IFI30: variants seen among roughly 807,000 people sequenced by gnomAD.
IFI30 encodes IFI30 lysosomal thiol reductase.
In IFI30, 26 loss-of-function variants were observed where a neutral mutation model predicts 30.1. The ratio of observed to expected loss-of-function variants is 0.87; its 90% CI spans 0.63 to 1.20. The LOEUF is 1.20. Among genes scored for constraint, IFI30 ranks in the 50% most tolerant of loss-of-function variants. The pLI is 0.00. For missense variants in IFI30, 296 were observed against 312.5 expected, an observed-to-expected ratio of 0.95 and a Z score of 0.40; for synonymous variants, 149 against 134.5, an observed-to-expected ratio of 1.11 and a Z score of -0.75.
chr19:18,177,784 G>A lies in IFI30; in HGVS notation c.690+20G>A, dbSNP rs1453362761. ...TACCAGGTAAGCTGGGAGGGGAGCA[G>A]TGGGATTCAGGTGGTGGGGGTAGGG... On this transcript the variant is annotated intron_variant, in intron 6 of 6. Coordinates refer to ENST00000407280, the MANE Select transcript of IFI30 (RefSeq NM_006332.5). 1 of 1,613,104 alleles carries A rather than the reference G, an allele frequency of 6.2e-7. No individual in the cohort carries two copies. The highest frequency in any genetic ancestry group is 8.5e-7 in the Non-Finnish European group (1 of 1,179,554).
In IFI30 at chr19:18,178,021, A is replaced by G; in HGVS notation, c.*110A>G. On this transcript the variant is annotated 3_prime_UTR_variant, in exon 7 of 7. Coordinates refer to ENST00000407280, the MANE Select transcript of IFI30 (RefSeq NM_006332.5). ...TGCTACTTACCAACTGGAAAATTTT[A>G]TGCATCCCATGAAGCCCAGATACAC... is the stretch of plus-strand genomic sequence containing the variant. 4 of 1,055,642 alleles carry G rather than the reference A, an allele frequency of 3.8e-6. No homozygotes were observed. The highest frequency in any genetic ancestry group is 2.6e-5 in the East Asian group (1 of 38,564). The allele number at this position is 1,055,642 out of a possible 1,614,324, so 65.4% of individuals were successfully genotyped here.
In IFI30 at chr19:18,177,759, T is replaced by C. The variant is rs766939783; in HGVS notation, c.685T>C (p.Tyr229His). The change falls in exon 6 of 7, where the codon TAC becomes CAC. Residue 229 changes from tyrosine (Y) to histidine (H), a missense_variant. Physicochemically the swap from Tyr to His is moderately conservative, Grantham distance 83. Transcript: ENST00000407280. ...GCTCCTTACCCTTGTCTGCCAGTTG[T>C]ACCAGGTAAGCTGGGAGGGGAGCAG... ...TQLLTLVCQL[Y>H]QGKKPDVCPS... The C allele has an allele frequency of 6.2e-7, 1 of 1,613,752 alleles. No homozygotes were observed. The highest frequency in any genetic ancestry group is 8.5e-7 in the Non-Finnish European group (1 of 1,179,800).
chr19:18,174,537 C>G (rs1357163795), intron 1 of IFI30: 1 of 160,222 alleles, frequency 6.2e-6, no homozygotes, highest in Non-Finnish European at 1.4e-5. Context: ...GGATCCCTTG[C>G]TCAGCTCAGA....
chr19:18,174,114 C>A, intron 1 of IFI30, 141 bp downstream of exon 1: 1 of 796,530 alleles, frequency 1.3e-6, no homozygotes, highest in Non-Finnish European at 1.9e-6. Flanking sequence ...CTGGAAAAAC[C>A]CTGTTCAGTT....
At chr19:18,176,233 C>A (rs908354414) in intron 4 of IFI30, among the ~76,000 whole-genome samples, 24 of 142,930 alleles carry the variant, frequency 1.7e-4, no homozygotes, top group Non-Finnish European at 3.0e-4. Flanking sequence ...TGGCTGACTG[C>A]AACCACTGTC....
rs71336666 is a variant in IFI30 at position 18,176,141 on chromosome 19, C to CTTTT, written c.483+472_483+475dup. The stretch of plus-strand genomic sequence containing the variant: ...CAGGCGTGAGCCACCGCACCCAGCC[C>CTTTT]TTTTTTTTTTTTTTTTTTTTTTTTT... On this transcript the variant is annotated intron_variant, in intron 4 of 6. Transcript: ENST00000407280. Among the ~76,000 whole-genome samples, 38 of 56,450 alleles carry CTTTT rather than the reference C, an allele frequency of 6.7e-4. 4 individuals carry two copies. The highest frequency in any genetic ancestry group is 4.6e-3 in the East Asian group (11 of 2,400). The allele number at this position is 56,450 out of a possible 152,430, so 37.0% of individuals were successfully genotyped here. A position where few individuals can be genotyped will look rare whatever the true frequency, so the allele number is the denominator to read the frequency against.
At chr19:18,174,887 C>A in intron 1 of IFI30, 153 bp from the exon 2 acceptor site, 3 of 579,436 alleles carry the variant, frequency 5.2e-6, no homozygotes, top group Non-Finnish European at 8.9e-6. Context: ...AAAAAAAAGT[C>A]TCAAAGTCAA....
Position 18,175,304 on chromosome 19 carries a change from C to T in IFI30, c.316-7C>T. 1 of 1,584,954 alleles carries T rather than the reference C, an allele frequency of 6.3e-7. No homozygotes were observed. The highest frequency in any genetic ancestry group is 8.6e-7 in the Non-Finnish European group (1 of 1,166,262). On this transcript the variant is annotated splice_region_variant and splice_polypyrimidine_tract_variant and intron_variant, in intron 2 of 6. Coordinates refer to ENST00000407280, the MANE Select transcript of IFI30 (RefSeq NM_006332.5). ...TACCAGCAGGCTCTCACCCTGCTGC[C>T]TTGCAGGAACAAAATGTCAGTGGCA...
rs1282779248 is a variant in IFI30 at position 18,175,337 on chromosome 19, G to A, written c.342G>A (p.Glu114=). 6.3e-7 allele frequency: 1 copy of A among 1,591,300 alleles called. No individual in the cohort carries two copies. Among genetic ancestry groups the A allele is most frequent in the Admixed American group, 1.8e-5 (1 of 56,188 alleles). ...AQEQNVSGRW[E]FKCQHGEEEC... is the part of the protein sequence containing the mutation. ...AACAAAATGTCAGTGGCAGGTGGGA[G>A]TTCAAGTGCCAGCATGGAGAAGAGG... The change falls in exon 3 of 7, where the codon GAG becomes GAA. Residue 114 remains glutamate (E), a synonymous_variant. Transcript: ENST00000407280.
rs769179103 is a variant in IFI30 at position 18,175,058 on chromosome 19, C to CG, written c.156dup (p.Pro53AlafsTer17). 2 of 1,613,594 alleles carry CG rather than the reference C, an allele frequency of 1.2e-6. No homozygotes were observed. The highest frequency in any genetic ancestry group is 1.7e-6 in the Non-Finnish European group (2 of 1,179,694). ...TCCACAGACAGGCAATCTATACCTG[C>CG]GGGGGCCCCTGAAGAAGTCCAATGC... On this transcript the variant is annotated frameshift_variant, in exon 2 of 7. Transcript: ENST00000407280. LOFTEE classifies it high-confidence loss of function.
intron 5 of IFI30, 91 bp downstream of exon 5, chr19:18,177,383 G>T (rs968322342): frequency 2.1e-6 from 3 of 1,415,342 alleles, no homozygotes; most frequent in African/African-American, 2.9e-5. Flanking sequence ...AAGGAACCCA[G>T]GCGGAGGTTG....
chr19:18,176,150 T>TC (rs1326457880), intron 4 of IFI30, among the ~76,000 whole-genome samples: 1 of 132,630 alleles, frequency 7.5e-6, no homozygotes, highest in Non-Finnish European at 1.6e-5. Flanking sequence ...CCTTTTTTTT[T>TC]TTTTTTTTTT....
In IFI30 at chr19:18,173,856, A is replaced by G. The variant is rs1967231003; in HGVS notation, c.15A>G (p.Pro5=). The G allele has an allele frequency of 1.3e-6, 2 of 1,548,512 alleles. No individual in the cohort carries two copies. The highest frequency in any genetic ancestry group is 2.7e-5 in the African/African-American group (2 of 73,132). The stretch of plus-strand genomic sequence containing the variant: ...CCCCTGCTGCGATGACCCTGTCGCC[A>G]CTTCTGCTGTTCCTGCCACCGCTGC... MTLS[P]LLLFLPPLLL... The change falls in exon 1 of 7, where the codon CCA becomes CCG. Residue 5 remains proline (P), a synonymous_variant. Transcript: ENST00000407280.
At chr19:18,176,507 G>A (rs1395151851) in intron 4 of IFI30, among the ~76,000 whole-genome samples, 4 of 152,078 alleles carry the variant, frequency 2.6e-5, no homozygotes, top group African/African-American at 9.7e-5. Context: ...AGGTCTCTTA[G>A]GAGCATGAGT....
chr19:18,176,354 A>G (rs1967270170), intron 4 of IFI30, among the ~76,000 whole-genome samples: 1 of 151,594 alleles, frequency 6.6e-6, no homozygotes, highest in Admixed American at 6.6e-5. Context: ...AGTGTTCACC[A>G]TGTTGGCCAG....
At position 18,177,711 on chromosome 19, in the gene IFI30, A is replaced by G. The variant is rs202043324; in HGVS notation, c.637A>G (p.Lys213Glu). Reference sequence around the variant, plus strand: ...GCGACCCCTGTCTTGCTTTGTGCAGAAACCCTTGGAAGATCAGACCCAGCT... The same window carrying G: ...GCGACCCCTGTCTTGCTTTGTGCAGGAACCCTTGGAAGATCAGACCCAGCT... ...EYVPWVTVNG[K>E]PLEDQTQLLT... Residue 213 changes from lysine (K) to glutamate (E), a missense_variant and splice_region_variant, in exon 6 of 7, where the codon AAA becomes GAA. Physicochemically the swap from Lys to Glu is moderately conservative, Grantham distance 56. Coordinates refer to ENST00000407280, the MANE Select transcript of IFI30 (RefSeq NM_006332.5). The G allele has an allele frequency of 6.2e-7, 1 of 1,613,812 alleles. No individual in the cohort carries two copies. Among genetic ancestry groups the G allele is most frequent in the Admixed American group, 1.7e-5 (1 of 59,984 alleles).
At chr19:18,176,299 T>G (rs1967269583) in intron 4 of IFI30, among the ~76,000 whole-genome samples, 1 of 151,796 alleles carries the variant, frequency 6.6e-6, no homozygotes, top group Admixed American at 6.6e-5. Flanking sequence ...GGACTACAGG[T>G]GTGCACCACC....
In IFI30 at chr19:18,177,918, G is replaced by A. The variant is rs1298628250; in HGVS notation, c.*7G>A. On this transcript the variant is annotated 3_prime_UTR_variant, in exon 7 of 7. Transcript: ENST00000407280. ...GAGTGTTTGCTTCAAGTGATGGCCG[G>A]TGAGCTGCGGAGAGCTCATGGAAGG... 1.9e-6 allele frequency: 3 copies of A among 1,581,482 alleles called. No homozygotes were observed. The highest frequency in any genetic ancestry group is 2.6e-6 in the Non-Finnish European group (3 of 1,163,576).
rs1223276802 is a variant in IFI30, at chr19:18,174,009, A to G, written c.132+36A>G. Reference sequence around the variant, plus strand: ...CGACAGGGCGGGCAGGCTGGAGGGAACAGGCGCCCTGTCGGGGCACGCGGC... The same window carrying G: ...CGACAGGGCGGGCAGGCTGGAGGGAGCAGGCGCCCTGTCGGGGCACGCGGC... On this transcript the variant is annotated intron_variant, in intron 1 of 6. Coordinates refer to ENST00000407280, the MANE Select transcript of IFI30 (RefSeq NM_006332.5). 2.6e-6 allele frequency: 4 copies of G among 1,523,222 alleles called. No individual in the cohort carries two copies. In the African/African-American group the frequency reaches 5.6e-5, roughly 21 times the overall value. The allele number at this position is 1,523,222 out of a possible 1,614,324, so 94.4% of individuals were successfully genotyped here. A position where few individuals can be genotyped will look rare whatever the true frequency, so the allele number is the denominator to read the frequency against.
Sources: allele counts gnomAD v4.1 joint callset (sites outside exome capture counted in the v4.1 genomes callset), GRCh38; gene constraint gnomAD v4.1.1; transcripts MANE v1.5; gene names NCBI Gene and HGNC (gene_info 2026-07-23, HGNC 2026-07-21).